ATP13A3: variants seen among roughly 807,000 people sequenced by gnomAD.
ATP13A3 encodes the protein polyamine-transporting ATPase 13A3.
ATP13A3 carries 59 observed loss-of-function variants against 158.1 expected under a neutral mutation model. The observed-to-expected ratio is 0.37, with a 90% CI of 0.30 to 0.46. The LOEUF (loss-of-function observed/expected upper bound fraction) is 0.46, where lower values mean the gene tolerates loss of function less well. Among genes scored for constraint, ATP13A3 ranks in the 20% least tolerant of loss-of-function variants. ATP13A3 has a pLI of 1.00. For synonymous variants in ATP13A3, 491 were observed against 504.3 expected (o/e 0.97, Z 0.35); for missense variants, 1,166 against 1,525.2 (o/e 0.76, Z 3.92).
At chr3:194,412,381 T>C (rs986875985) in intron 32 of ATP13A3, 93 bp from the exon 33 acceptor site, 25 of 940,764 alleles carry the variant, frequency 2.7e-5, no homozygotes, top group Admixed American at 1.2e-4. Flanking sequence ...TGCTGCATAA[T>C]TGATGAAAAG....
chr3:194,410,542 C>T (rs1026663453), intron 33 of ATP13A3, among the ~76,000 whole-genome samples: 1 of 151,922 alleles, frequency 6.6e-6, no homozygotes, highest in African/African-American at 2.4e-5. Context: ...GCACTCCAGC[C>T]TGGGTGACAG....
intron 31 of ATP13A3, among the ~76,000 whole-genome samples, chr3:194,417,968 G>C (rs1054757024): frequency 8.8e-6 from 1 of 113,462 alleles, no homozygotes; most frequent in Non-Finnish European, 1.8e-5. Context: ...CGGAAGGAAG[G>C]AAGGAAGGAA....
At chr3:194,491,483 A>G (rs1230184242), upstream of ATP13A3, among the ~76,000 whole-genome samples, 1 of 146,240 alleles carries the variant, frequency 6.8e-6, no homozygotes, top group Admixed American at 6.8e-5. Context: ...ATGCCCCCTC[A>G]TCTCTCACCT....
chr3:194,411,006 C>A (rs938190177), intron 33 of ATP13A3, among the ~76,000 whole-genome samples: 25 of 151,092 alleles, frequency 1.7e-4, no homozygotes, highest in African/African-American at 5.9e-4. Context: ...CGACTTGAGC[C>A]CCTTGTACAA....
At chr3:194,421,930 ATG>A (rs1265860151) in intron 30 of ATP13A3, among the ~76,000 whole-genome samples, 1 of 125,770 alleles carries the variant, frequency 8.0e-6, no homozygotes, top group Non-Finnish European at 1.6e-5. Flanking sequence ...GGTTCTTGAC[ATG>A]TGTGTCGTTG....
chr3:194,483,426 C>CA lies in ATP13A3; in HGVS notation c.-47+2367dup, dbSNP rs1228588078. On this transcript the variant is annotated intron_variant, in intron 2 of 33. Transcript: ENST00000645319. ...GCAACACGGTGAAAACCCACCTCTACAAAAAAAAAAAAAACTAGCTGGGTG... is the reference window on the plus strand; with the variant it reads ...GCAACACGGTGAAAACCCACCTCTACAAAAAAAAAAAAAAACTAGCTGGGTG... Among the ~76,000 whole-genome samples, 921 of 120,262 alleles carry CA rather than the reference C, an allele frequency of 7.7e-3. 15 individuals are homozygous for CA. Among genetic ancestry groups the CA allele is most frequent in the East Asian group, 0.011 (48 of 4,340 alleles). The allele number at this position is 120,262 out of a possible 152,430, so 78.9% of individuals were successfully genotyped here.
intron 4 of ATP13A3, among the ~76,000 whole-genome samples, chr3:194,460,186 C>T (rs561407316): frequency 1.3e-5 from 2 of 152,120 alleles, no homozygotes; most frequent in South Asian, 4.1e-4. Context: ...CATATTTTAC[C>T]GATAAGCACA....
chr3:194,430,391 A>G (rs1030924503), intron 24 of ATP13A3, 76 bp from the exon 25 acceptor site: 4 of 1,447,788 alleles, frequency 2.8e-6, no homozygotes, highest in Non-Finnish European at 1.9e-6. Flanking sequence ...AGACTTTTCT[A>G]TTACAGTATT....
intron 31 of ATP13A3, among the ~76,000 whole-genome samples, chr3:194,419,168 G>C (rs879065973): frequency 6.6e-6 from 1 of 152,132 alleles, no homozygotes; most frequent in South Asian, 2.1e-4. Flanking sequence ...ATGGGAGAAT[G>C]CAAGTCACAG....
chr3:194,431,836 G>A lies in ATP13A3; in HGVS notation c.2302C>T (p.Gln768Ter). 1 of 1,612,040 alleles carries A rather than the reference G, an allele frequency of 6.2e-7. No individual in the cohort carries two copies. Among genetic ancestry groups the A allele is most frequent in the Non-Finnish European group, 8.5e-7 (1 of 1,179,278 alleles). The part of the protein sequence containing the change: ...VARDCGMILP[Q>*]DKVIIAEALP... ...GCTTCAGCAATAATCACTTTATCCT[G>A]AGGTAGAATCATTCCACAATCTCTG... Residue 768 changes from glutamine to a stop codon, truncating the protein, a stop_gained, in exon 22 of 34, where the codon CAG becomes TAG. Coordinates refer to ENST00000645319, the MANE Select transcript of ATP13A3 (RefSeq NM_001367549.1). LOFTEE classifies it high-confidence loss of function.
chr3:194,486,490 C>G (rs1324901440), intron 1 of ATP13A3, 76 bp downstream of exon 1: 2 of 153,420 alleles, frequency 1.3e-5, no homozygotes, highest in Non-Finnish European at 2.9e-5. Flanking sequence ...CGCCCGGTAC[C>G]CGCCGCCCCG....
chr3:194,482,193 T>A (rs1720779520), intron 2 of ATP13A3, among the ~76,000 whole-genome samples: 1 of 152,234 alleles, frequency 6.6e-6, no homozygotes, highest in Admixed American at 6.5e-5. Context: ...ACAGTGATCA[T>A]TTTTTCCAAT....
chr3:194,471,513 C>A (rs893207493), intron 2 of ATP13A3, among the ~76,000 whole-genome samples: 3 of 151,966 alleles, frequency 2.0e-5, no homozygotes, highest in African/African-American at 7.3e-5. Flanking sequence ...ACCATCACGC[C>A]CAGCAAATTT....
intron 2 of ATP13A3, among the ~76,000 whole-genome samples, chr3:194,462,912 A>C (rs1450070995): frequency 6.6e-6 from 1 of 152,216 alleles, no homozygotes; most frequent in Non-Finnish European, 1.5e-5. Flanking sequence ...ATTGAGAGGA[A>C]CTACTAACAG....
chr3:194,457,557 T>C (rs1055212345), intron 6 of ATP13A3, among the ~76,000 whole-genome samples: 1 of 152,064 alleles, frequency 6.6e-6, no homozygotes, highest in African/African-American at 2.4e-5. Context: ...GATGAAAACA[T>C]TTTACTTTTT....
intron 2 of ATP13A3, among the ~76,000 whole-genome samples, chr3:194,493,821 A>G (rs1360559825): frequency 1.3e-5 from 2 of 152,160 alleles, no homozygotes; most frequent in African/African-American, 2.4e-5. Flanking sequence ...GCCAACACTA[A>G]AAGTAGTAGT....
At chr3:194,434,036 T>C (rs1309081382) in intron 20 of ATP13A3, 140 bp from the exon 21 acceptor site, 1 of 916,312 alleles carries the variant, frequency 1.1e-6, no homozygotes, top group Non-Finnish European at 1.6e-6. Flanking sequence ...TGAAAACATT[T>C]TATATGCTGA....
In ATP13A3 at chr3:194,420,081, C is replaced by T. The variant is rs1716181802; in HGVS notation, c.3314-114G>A. On this transcript the variant is annotated intron_variant, in intron 30 of 33. Coordinates refer to ENST00000645319, the MANE Select transcript of ATP13A3 (RefSeq NM_001367549.1). ...GTAAATTTGGTTTTGAATACTTTCACTTCAGTTGATGGAATAAAGTATGTG... is the reference window on the plus strand; with the variant it reads ...GTAAATTTGGTTTTGAATACTTTCATTTCAGTTGATGGAATAAAGTATGTG... The T allele has an allele frequency of 4.3e-6, 5 of 1,161,674 alleles. No individual in the cohort carries two copies. The South Asian group carries it at 9.8e-5, about 23-fold the overall frequency. 72.0% of individuals were successfully genotyped at this position (1,161,674 alleles called of 1,614,324 possible).
chr3:194,405,968 T>C lies in ATP13A3; in HGVS notation c.3722A>G (p.Lys1241Arg), dbSNP rs377508920. 9.9e-5 allele frequency: 159 copies of C among 1,614,162 alleles called. No individual in the cohort carries two copies. The East Asian group carries it at 1.2e-3, about 12-fold the overall frequency. The part of the protein sequence containing the change: ...PPKPQTTTEA[K>R]ALVKENGSCQ... The stretch of plus-strand genomic sequence containing the variant: ...TGATCCATTCTCCTTAACTAAAGCT[T>C]TAGCTTCTGTGGTTGTCTGAGGTTT... Residue 1241 changes from lysine (K) to arginine (R), a missense_variant, in exon 34 of 34, where the codon AAA becomes AGA. Transcript: ENST00000645319.
Sources: allele counts gnomAD v4.1 joint callset (sites outside exome capture counted in the v4.1 genomes callset), GRCh38; gene constraint gnomAD v4.1.1; transcripts MANE v1.5; gene names NCBI Gene and HGNC (gene_info 2026-07-23, HGNC 2026-07-21).